The following SLCO2A1 variants were observed in gnomAD, a reference collection of about 807,000 sequenced individuals.
The protein encoded by SLCO2A1 is matrin F/G 1.
In SLCO2A1, 60 loss-of-function variants were observed where a neutral mutation model predicts 71.7. That is an observed-to-expected ratio of 0.84 (90% CI 0.68 to 1.04). The LOEUF (loss-of-function observed/expected upper bound fraction) is 1.04. Ranked by LOEUF, SLCO2A1 falls within the 50% of genes least tolerant of loss-of-function variation. The pLI is 0.00. For synonymous variants in SLCO2A1, 308 were observed against 326.7 expected, an observed-to-expected ratio of 0.94 and a Z score of 0.62; for missense variants, 745 against 813.4, an observed-to-expected ratio of 0.92 and a Z score of 1.02.
intron 1 of SLCO2A1, among the ~76,000 whole-genome samples, chr3:133,984,028 G>C (rs1012575600): frequency 3.3e-5 from 5 of 152,208 alleles, no homozygotes; most frequent in African/African-American, 1.2e-4. Flanking sequence ...GGAGATCAAG[G>C]ACTGAGAGTT....
intron 8 of SLCO2A1, among the ~76,000 whole-genome samples, chr3:133,948,068 G>A (rs1933631979): frequency 6.6e-6 from 1 of 152,200 alleles, no homozygotes; most frequent in African/African-American, 2.4e-5. Context: ...CTGGGCATCT[G>A]TGTTTTGTAA....
intron 1 of SLCO2A1, among the ~76,000 whole-genome samples, chr3:133,999,479 C>T (rs548814924): frequency 2.9e-5 from 4 of 138,520 alleles, no homozygotes; most frequent in Admixed American, 7.3e-5. Flanking sequence ...GACCAAGGGC[C>T]GAGCAGGGCT....
chr3:133,967,639 TTC>T (rs58347025), intron 3 of SLCO2A1, among the ~76,000 whole-genome samples: 49,536 of 151,864 alleles, frequency 0.33, 8,421 homozygotes, highest in South Asian at 0.43. Context: ...GTTGTTTATT[TTC>T]TCTTTCTTTT....
rs2108043662 is a variant in SLCO2A1, at chr3:133,951,274, T to G, written c.795A>C (p.Ser265=). ...GAWWLGLLIS[S]ALLVLTSFPF... is the part of the protein sequence containing the mutation. ...GGAAAGAGGTGAGAACCAATAAAGC[T>G]GAAGAAATGAGCAGGCCTAGCCACC... The change falls in exon 6 of 14, where the codon TCA becomes TCC. Residue 265 remains serine (S), a synonymous_variant. Transcript: ENST00000310926. The G allele has an allele frequency of 1.2e-6, 2 of 1,614,048 alleles. No homozygotes were observed. Among genetic ancestry groups the G allele is most frequent in the Non-Finnish European group, 1.7e-6 (2 of 1,180,006 alleles).
intron 5 of SLCO2A1, among the ~76,000 whole-genome samples, chr3:133,953,327 G>A (rs1167066156): frequency 2.6e-5 from 4 of 152,188 alleles, no homozygotes; most frequent in African/African-American, 7.2e-5. Flanking sequence ...TTGAGCCACC[G>A]CACCCAGCCC....
chr3:133,973,257 C>T (rs1046895571), intron 3 of SLCO2A1, among the ~76,000 whole-genome samples: 3 of 152,180 alleles, frequency 2.0e-5, no homozygotes, highest in African/African-American at 7.2e-5. Flanking sequence ...CAAATGAGAT[C>T]GTGCAAGTGC....
At position 134,004,093 on chromosome 3, in the gene SLCO2A1, CGTGTGTGTGTGT is replaced by C. The variant is rs71139603; in HGVS notation, c.97-24487_97-24476del. 8.3e-4 allele frequency among the ~76,000 whole-genome samples: 124 copies of C among 149,624 alleles called. 1 individual carries two copies. Among genetic ancestry groups the C allele is most frequent in the African/African-American group, 1.1e-3 (44 of 40,380 alleles). On this transcript the variant is annotated intron_variant, in intron 1 of 13. Coordinates refer to ENST00000310926, the MANE Select transcript of SLCO2A1 (RefSeq NM_005630.3). ...AGCCAAATTTTGTAATGAATCTCTT[CGTGTGTGTGTGT>C]GTGTGTGTGTGTGTGTGTGTGTGTG...
chr3:134,016,178 A>G (rs1034104994), intron 1 of SLCO2A1, among the ~76,000 whole-genome samples: 3 of 152,200 alleles, frequency 2.0e-5, no homozygotes, highest in Non-Finnish European at 4.4e-5. Context: ...TTGAAAATTG[A>G]TAAATTAAAA....
Position 133,973,780 on chromosome 3 carries a change from G to A in SLCO2A1, c.280C>T (p.Arg94Trp), listed in dbSNP as rs553100519. Residue 94 changes from arginine to tryptophan, a missense_variant, in exon 3 of 14, where the codon CGG becomes TGG. By Grantham distance (101) the Arg-to-Trp change is moderately radical (BLOSUM62 -3). Coordinates refer to ENST00000310926, the MANE Select transcript of SLCO2A1 (RefSeq NM_005630.3). ...CCAATCAGACGTGGACGGTGCACCC[G>A]GCTGCCAAAGTAGCTGACAAAGATG... ...LIIFVSYFGS[R>W]VHRPRLIGIG... is the part of the protein sequence containing the mutation. 4.1e-5 allele frequency: 66 copies of A among 1,613,824 alleles called. No individual in the cohort carries two copies. Among genetic ancestry groups the A allele is most frequent in the Middle Eastern group, 1.6e-4 (1 of 6,084 alleles).
At chr3:134,006,052 A>G (rs535571291) in intron 1 of SLCO2A1, among the ~76,000 whole-genome samples, 2 of 152,122 alleles carry the variant, frequency 1.3e-5, no homozygotes, top group East Asian at 3.9e-4. Flanking sequence ...AAAACTTGCC[A>G]TCTTACCCTT....
chr3:134,001,283 G>A (rs1478024896), intron 1 of SLCO2A1, among the ~76,000 whole-genome samples: 1 of 152,118 alleles, frequency 6.6e-6, no homozygotes. Flanking sequence ...ACTAATTTTT[G>A]TATTTTCAGT....
At chr3:133,961,813 T>C (rs924447253) in intron 3 of SLCO2A1, among the ~76,000 whole-genome samples, 1 of 152,194 alleles carries the variant, frequency 6.6e-6, no homozygotes, top group African/African-American at 2.4e-5. Flanking sequence ...GCCAACTCAA[T>C]AGGGCCCAAA....
chr3:133,966,721 T>C (rs1273865376), intron 3 of SLCO2A1, among the ~76,000 whole-genome samples: 1 of 151,790 alleles, frequency 6.6e-6, no homozygotes. Flanking sequence ...TCCAACCTCC[T>C]GGTGGGTAGC....
At chr3:133,944,422 T>C (rs1933511318) in intron 10 of SLCO2A1, among the ~76,000 whole-genome samples, 1 of 152,234 alleles carries the variant, frequency 6.6e-6, no homozygotes, top group South Asian at 2.1e-4. Context: ...AGTTTGCTGC[T>C]GGCTGATCCT....
At chr3:133,980,655 G>A (rs7646473) in intron 1 of SLCO2A1, among the ~76,000 whole-genome samples, 42,478 of 152,196 alleles carry the variant, frequency 0.28, 6,186 homozygotes, top group Middle Eastern at 0.36. Context: ...CATCACAGGA[G>A]AGCAACCGGG....
At chr3:133,951,042 A>G in intron 6 of SLCO2A1, 166 bp downstream of exon 6, 1 of 871,468 alleles carries the variant, frequency 1.1e-6, no homozygotes, top group East Asian at 2.5e-5. Flanking sequence ...ATTCACCAAC[A>G]CCCTCACCTC....
intron 1 of SLCO2A1, among the ~76,000 whole-genome samples, chr3:133,981,837 T>C (rs1934599853): frequency 6.6e-6 from 1 of 151,868 alleles, no homozygotes; most frequent in African/African-American, 2.4e-5. Context: ...TAACCAGGCG[T>C]GGTGGCACAT....
At chr3:133,954,430 G>T (rs906308326) in intron 4 of SLCO2A1, among the ~76,000 whole-genome samples, 6 of 152,168 alleles carry the variant, frequency 3.9e-5, no homozygotes, top group African/African-American at 1.4e-4. Context: ...CCAAAGTGCT[G>T]GGATTACAGG....
chr3:133,987,335 T>TTC (rs1299354840), intron 1 of SLCO2A1, among the ~76,000 whole-genome samples: 1 of 151,742 alleles, frequency 6.6e-6, no homozygotes, highest in Non-Finnish European at 1.5e-5. Context: ...GTAGAATCGA[T>TTC]TCTCTCTGAA....
Sources: allele counts gnomAD v4.1 joint callset (sites outside exome capture counted in the v4.1 genomes callset), GRCh38; gene constraint gnomAD v4.1.1; transcripts MANE v1.5; gene names NCBI Gene and HGNC (gene_info 2026-07-23, HGNC 2026-07-21).